The following HGF variants were observed in gnomAD, a reference collection of about 807,000 sequenced individuals.
HGF encodes hepatocyte growth factor.
A neutral mutation model predicts 111.6 loss-of-function variants in HGF; 39 were observed. That is an observed-to-expected ratio of 0.35 (90% CI 0.27 to 0.46). The LOEUF (loss-of-function observed/expected upper bound fraction) is 0.46, where lower values mean the gene tolerates loss of function less well. HGF is among the 20% of genes least tolerant of loss of function. The pLI, the probability that HGF is intolerant of heterozygous loss-of-function variation, is 1.00. For missense variants in HGF, 735 were observed against 910.5 expected (o/e 0.81, Z 2.48); for synonymous variants, 285 against 294.8 (o/e 0.97, Z 0.34).
At chr7:81,749,925 T>C (rs369394714) in intron 5 of HGF, among the ~76,000 whole-genome samples, 1 of 152,020 alleles carries the variant, frequency 6.6e-6, no homozygotes, top group East Asian at 1.9e-4. Context: ...AAAGTTTGAT[T>C]ATGGGTGTTT....
intron 11 of HGF, among the ~76,000 whole-genome samples, chr7:81,712,446 G>A (rs538831285): frequency 1.5e-4 from 23 of 152,230 alleles, no homozygotes; most frequent in Non-Finnish European, 2.8e-4. Context: ...AATATTTCAA[G>A]GGTTGATTTT....
chr7:81,729,922 G>A, intron 7 of HGF, 143 bp from the exon 8 acceptor site: 1 of 650,472 alleles, frequency 1.5e-6, no homozygotes, highest in Non-Finnish European at 2.6e-6. Context: ...AGTGGAATAA[G>A]AAATTTAACT....
In HGF at chr7:81,713,892, A is replaced by G. The variant is rs531647139; in HGVS notation, c.1406-2373T>C. 3.3e-5 allele frequency among the ~76,000 whole-genome samples: 5 copies of G among 152,206 alleles called. 1 individual carries two copies. Among genetic ancestry groups the G allele is most frequent in the African/African-American group, 1.2e-4 (5 of 41,518 alleles). ...ACTCATGTCTACAAAAATATATGTGATACAATACTTATTTTTTATTGGTTC... is the reference window on the plus strand; with the variant it reads ...ACTCATGTCTACAAAAATATATGTGGTACAATACTTATTTTTTATTGGTTC... On this transcript the variant is annotated intron_variant, in intron 11 of 17. Coordinates refer to ENST00000222390, the MANE Select transcript of HGF (RefSeq NM_000601.6).
At chr7:81,746,887 T>C (rs1788279366) in intron 5 of HGF, among the ~76,000 whole-genome samples, 1 of 152,174 alleles carries the variant, frequency 6.6e-6, no homozygotes. Flanking sequence ...TGTTCAAATA[T>C]GAATGTGTGC....
At chr7:81,741,523 T>C (rs1395012150) in intron 7 of HGF, among the ~76,000 whole-genome samples, 1 of 152,038 alleles carries the variant, frequency 6.6e-6, no homozygotes, top group Non-Finnish European at 1.5e-5. Flanking sequence ...TTTGGATTTC[T>C]TGGTGTGTGC....
intron 7 of HGF, among the ~76,000 whole-genome samples, chr7:81,741,384 T>C (rs146095091): frequency 5.2e-4 from 79 of 152,270 alleles, no homozygotes; most frequent in African/African-American, 1.8e-3. Context: ...AGCTCCTTTT[T>C]GGACAGAAGA....
chr7:81,703,254 T>TCTC lies in HGF; in HGVS notation c.2011-500_2011-498dup, dbSNP rs1279618034. Among the ~76,000 whole-genome samples, 9 of 150,380 alleles carry TCTC rather than the reference T, an allele frequency of 6.0e-5. No homozygotes were observed. The South Asian group carries it at 1.5e-3, about 24-fold the overall frequency. On this transcript the variant is annotated intron_variant, in intron 17 of 17. Transcript: ENST00000222390. ...ATTTCTAAAGCTTTTTTTTTTTGCC[T>TCTC]CTCCCAATCCTGCCCTACATGATCT... is the stretch of plus-strand genomic sequence containing the variant.
In HGF at chr7:81,765,787, A is replaced by G. The variant is rs901511699; in HGVS notation, c.89-2915T>C. ...AGTTTCAACTTTCTCCTCCATATGTATTAACAACTGATGCTTGTTTTACTG... is the reference window on the plus strand; with the variant it reads ...AGTTTCAACTTTCTCCTCCATATGTGTTAACAACTGATGCTTGTTTTACTG... On this transcript the variant is annotated intron_variant, in intron 1 of 17. Transcript: ENST00000222390. Among the ~76,000 whole-genome samples, 56 of 152,316 alleles carry G rather than the reference A, an allele frequency of 3.7e-4. 1 individual carries two copies. The highest frequency in any genetic ancestry group is 3.2e-4 in the Non-Finnish European group (22 of 68,008).
intron 9 of HGF, among the ~76,000 whole-genome samples, chr7:81,722,380 G>A (rs188401284): frequency 6.2e-4 from 94 of 151,250 alleles, no homozygotes; most frequent in African/African-American, 1.9e-3. Context: ...GGCCAGACTC[G>A]TCTCAAACTC....
At chr7:81,762,533 A>G (rs747748161) in intron 2 of HGF, among the ~76,000 whole-genome samples, 174 bp downstream of exon 2, 9 of 152,190 alleles carry the variant, frequency 5.9e-5, no homozygotes, top group Non-Finnish European at 1.2e-4. Flanking sequence ...CCCTTACTCA[A>G]GCTATGTTTC....
intron 7 of HGF, chr7:81,743,025 G>T: frequency 1.6e-6 from 2 of 1,280,034 alleles, no homozygotes; most frequent in South Asian, 2.4e-5. Flanking sequence ...CTCCCCTAAT[G>T]ACTTTGTGAT....
chr7:81,763,281 T>C (rs1259837536), intron 1 of HGF, among the ~76,000 whole-genome samples: 1 of 152,198 alleles, frequency 6.6e-6, no homozygotes, highest in Non-Finnish European at 1.5e-5. Context: ...TTATAGTATT[T>C]AATGAGATAA....
rs960578259 is a variant in HGF, at chr7:81,702,272, A to AT, written c.*308dup. On this transcript the variant is annotated 3_prime_UTR_variant, in exon 18 of 18. Transcript: ENST00000222390. Reference sequence around the variant, plus strand: ...GAAAGCAGCTTAGACAGATTAATTGATTTTTTTTCCCATGAAATCTTTATC... The same window carrying AT: ...GAAAGCAGCTTAGACAGATTAATTGATTTTTTTTTCCCATGAAATCTTTATC... The AT allele has an allele frequency of 6.8e-5, 22 of 323,214 alleles. No individual in the cohort carries two copies. The highest frequency in any genetic ancestry group is 1.8e-4 in the South Asian group (3 of 16,432). 20.0% of individuals were successfully genotyped at this position (323,214 alleles called of 1,614,324 possible).
At chr7:81,710,360 A>C (rs1034797966) in intron 12 of HGF, 117 bp from the exon 13 acceptor site, 3 of 754,834 alleles carry the variant, frequency 4.0e-6, no homozygotes, top group Admixed American at 2.0e-5. Flanking sequence ...ATTGTGTCCA[A>C]AGAACAGTTT....
chr7:81,769,834 A>G (rs1308061976), intron 1 of HGF, 50 bp downstream of exon 1: 2 of 1,342,166 alleles, frequency 1.5e-6, no homozygotes, highest in East Asian at 2.5e-5. Flanking sequence ...GAAGGTTAGC[A>G]GGAGAGTTAA....
chr7:81,708,402 T>C (rs1162894203), intron 13 of HGF, among the ~76,000 whole-genome samples: 1 of 151,946 alleles, frequency 6.6e-6, no homozygotes, highest in Non-Finnish European at 1.5e-5. Flanking sequence ...ATTCTCTTAC[T>C]GGAAAAAATA....
Position 81,745,025 on chromosome 7 carries a change from G to T in HGF, c.721C>A (p.His241Asn), listed in dbSNP as rs760088738. 1 of 1,614,050 alleles carries T rather than the reference G, an allele frequency of 6.2e-7. No homozygotes were observed. ...ICQRWDHQTP[H>N]RHKFLPERYP... is the part of the protein sequence containing the mutation. Reference sequence around the variant, plus strand: ...CTTTCAGGCAAGAATTTGTGCCGGTGTGGTGTCTGATGATCCCAGCGCTGA... The same window carrying T: ...CTTTCAGGCAAGAATTTGTGCCGGTTTGGTGTCTGATGATCCCAGCGCTGA... Residue 241 changes from histidine to asparagine, a missense_variant, in exon 6 of 18, where the codon CAC becomes AAC. Physicochemically the swap from His to Asn is moderately conservative, Grantham distance 68. Transcript: ENST00000222390.
rs765660542 is a variant in HGF at position 81,725,978 on chromosome 7, A to G, written c.1080T>C (p.Ser360=). ...RENYCRNPDG[S]ESPWCFTTDP... ...CAGTGGTAAAACACCAGGGTGATTC[A>G]GACCCATCTGGATTTCGGCAGTAAT... Residue 360 remains serine (S), a synonymous_variant, in exon 9 of 18, where the codon TCT becomes TCC. Transcript: ENST00000222390. 6.2e-7 allele frequency: 1 copy of G among 1,613,862 alleles called. No homozygotes were observed. Among genetic ancestry groups the G allele is most frequent in the South Asian group, 1.1e-5 (1 of 91,074 alleles).
intron 13 of HGF, among the ~76,000 whole-genome samples, chr7:81,708,697 C>T (rs1388907547): frequency 6.6e-6 from 1 of 151,750 alleles, no homozygotes; most frequent in Non-Finnish European, 1.5e-5. Context: ...CCTGCCTCAG[C>T]CTCCCAAACT....
Sources: allele counts gnomAD v4.1 joint callset (sites outside exome capture counted in the v4.1 genomes callset), GRCh38; gene constraint gnomAD v4.1.1; transcripts MANE v1.5; gene names NCBI Gene and HGNC (gene_info 2026-07-23, HGNC 2026-07-21).